Variants in DPYD observed in about 807,000 individuals in gnomAD.
DPYD encodes dihydropyrimidine dehydrogenase.
In DPYD, 109 loss-of-function variants were observed where a neutral mutation model predicts 116.2. The observed-to-expected ratio is 0.94, with a 90% CI of 0.80 to 1.10. The LOEUF is 1.10. Among genes scored for constraint, DPYD ranks in the 50% least tolerant of loss-of-function variants. DPYD has a pLI of 0.00. For missense variants in DPYD, 1,302 were observed against 1,254.5 expected, an observed-to-expected ratio of 1.04 and a Z score of -0.57; for synonymous variants, 440 against 432.0, an observed-to-expected ratio of 1.02 and a Z score of -0.23.
chr1:97,684,643 TA>T (rs1439081311), intron 7 of DPYD, among the ~76,000 whole-genome samples: 2 of 149,428 alleles, frequency 1.3e-5, no homozygotes, highest in African/African-American at 4.9e-5. Flanking sequence ...ATAGAAACAA[TA>T]AAAAATGATA....
At chr1:97,232,491 C>A (rs1176009764) in intron 19 of DPYD, among the ~76,000 whole-genome samples, 2 of 151,954 alleles carry the variant, frequency 1.3e-5, no homozygotes, top group African/African-American at 4.8e-5. Context: ...TCCATTCCTG[C>A]CTTTTTCACC....
chr1:97,718,536 G>A (rs138427271), intron 5 of DPYD, among the ~76,000 whole-genome samples: 1 of 151,766 alleles, frequency 6.6e-6, no homozygotes, highest in East Asian at 1.9e-4. Context: ...TCAGAATTGA[G>A]GTGGTAATTT....
At chr1:97,458,808 G>A (rs1272870135) in intron 13 of DPYD, among the ~76,000 whole-genome samples, 1 of 152,162 alleles carries the variant, frequency 6.6e-6, no homozygotes, top group Non-Finnish European at 1.5e-5. Context: ...TGGTTTAAAA[G>A]TGGTTCCTAG....
intron 13 of DPYD, among the ~76,000 whole-genome samples, chr1:97,498,990 A>G (rs1014302631): frequency 4.0e-5 from 6 of 151,622 alleles, no homozygotes; most frequent in Non-Finnish European, 7.4e-5. Context: ...TCTACTTGGT[A>G]TTTCTTTTAT....
At chr1:97,552,040 T>G (rs1193555043) in intron 11 of DPYD, among the ~76,000 whole-genome samples, 1 of 152,076 alleles carries the variant, frequency 6.6e-6, no homozygotes, top group Non-Finnish European at 1.5e-5. Context: ...AGATGGATTT[T>G]GGTATCCATG....
intron 14 of DPYD, among the ~76,000 whole-genome samples, chr1:97,386,276 G>A (rs898257103): frequency 5.9e-5 from 4 of 67,706 alleles, no homozygotes; most frequent in African/African-American, 1.7e-4. Flanking sequence ...AACTGGGAAA[G>A]TTAAAACTTT....
chr1:97,701,662 G>T (rs1661605152), intron 5 of DPYD, among the ~76,000 whole-genome samples: 1 of 151,760 alleles, frequency 6.6e-6, no homozygotes. Flanking sequence ...TGTAAATAAA[G>T]TCAAAACACA....
chr1:97,181,923 T>A (rs1002819910), intron 20 of DPYD, among the ~76,000 whole-genome samples: 1 of 152,164 alleles, frequency 6.6e-6, no homozygotes, highest in Non-Finnish European at 1.5e-5. Context: ...CATATATGAT[T>A]TCTAATCTTT....
Position 97,323,443 on chromosome 1 carries a change from CGTATATACATATCATATATACATATATGT to C in DPYD, c.2059-17175_2059-17147del, listed in dbSNP as rs1209162205. 3.4e-3 allele frequency among the ~76,000 whole-genome samples: 357 copies of C among 104,254 alleles called. 5 individuals are homozygous for C. The highest frequency in any genetic ancestry group is 9.7e-3 in the African/African-American group (333 of 34,442). 68.4% of individuals were successfully genotyped at this position (104,254 alleles called of 152,430 possible). A position where few individuals can be genotyped will look rare whatever the true frequency, so the allele number is the denominator to read the frequency against. Reference sequence around the variant, plus strand: ...ATATATACATATGTGTATATGTACACGTATATACATATCATATATACATATATGTGTATATATACACGTATATATACATA... The same window carrying C: ...ATATATACATATGTGTATATGTACACGTATATATACACGTATATATACATA... On this transcript the variant is annotated intron_variant, in intron 16 of 22. Coordinates refer to ENST00000370192, the MANE Select transcript of DPYD (RefSeq NM_000110.4).
At chr1:97,485,689 T>A (rs1156471234) in intron 13 of DPYD, among the ~76,000 whole-genome samples, 1 of 152,224 alleles carries the variant, frequency 6.6e-6, no homozygotes, top group Non-Finnish European at 1.5e-5. Context: ...TGGTCATTTT[T>A]CAGTTTCATT....
chr1:97,152,572 A>G (rs1655110783), intron 20 of DPYD, among the ~76,000 whole-genome samples: 1 of 150,870 alleles, frequency 6.6e-6, no homozygotes, highest in Admixed American at 6.6e-5. Flanking sequence ...GTAAAAATAC[A>G]CAGATACCCA....
chr1:97,467,399 A>G (rs541165314), intron 13 of DPYD, among the ~76,000 whole-genome samples: 2 of 152,226 alleles, frequency 1.3e-5, no homozygotes, highest in Non-Finnish European at 2.9e-5. Flanking sequence ...TATGAACTGT[A>G]AGCCCCCTGC....
At chr1:97,532,041 T>G (rs1649663339) in intron 12 of DPYD, among the ~76,000 whole-genome samples, 1 of 152,048 alleles carries the variant, frequency 6.6e-6, no homozygotes, top group Admixed American at 6.6e-5. Flanking sequence ...CAGGGTTTTG[T>G]ATGTATAAGA....
chr1:97,209,323 C>T (rs113006645), intron 19 of DPYD, among the ~76,000 whole-genome samples: 61 of 152,132 alleles, frequency 4.0e-4, no homozygotes, highest in African/African-American at 1.4e-3. Flanking sequence ...TAAACCATTG[C>T]TTATATTTTG....
Position 97,289,113 on chromosome 1 carries a change from T to C in DPYD, c.2299+16146A>G, listed in dbSNP as rs769772930. ...AGAAATGGATAAATTCCTTGACACA[T>C]ACACCCTCCCAAGACTAAACCAAGA... On this transcript the variant is annotated intron_variant, in intron 18 of 22. Transcript: ENST00000370192. 5.8e-4 allele frequency among the ~76,000 whole-genome samples: 88 copies of C among 152,220 alleles called. 1 individual carries two copies. The highest frequency in any genetic ancestry group is 1.2e-3 in the Non-Finnish European group (79 of 68,018).
chr1:97,556,258 A>G (rs967124139), intron 11 of DPYD, among the ~76,000 whole-genome samples: 6 of 151,878 alleles, frequency 4.0e-5, no homozygotes, highest in Non-Finnish European at 5.9e-5. Flanking sequence ...CTGTGACATC[A>G]TACTTTCTGC....
intron 18 of DPYD, among the ~76,000 whole-genome samples, chr1:97,254,474 A>C (rs1473190546): frequency 6.6e-6 from 1 of 152,134 alleles, no homozygotes; most frequent in South Asian, 2.1e-4. Context: ...CCATTTGTCC[A>C]TTAATGGAGT....
At chr1:97,501,305 G>A (rs1450294745) in intron 13 of DPYD, among the ~76,000 whole-genome samples, 1 of 151,986 alleles carries the variant, frequency 6.6e-6, no homozygotes, top group Non-Finnish European at 1.5e-5. Flanking sequence ...ATGTTTTAAT[G>A]TAAAACACTT....
intron 19 of DPYD, among the ~76,000 whole-genome samples, chr1:97,195,947 C>A (rs1393617117): frequency 6.6e-6 from 1 of 151,416 alleles, no homozygotes; most frequent in Non-Finnish European, 1.5e-5. Flanking sequence ...GAGAGATCTG[C>A]AATGGAGTAG....
Sources: allele counts gnomAD v4.1 joint callset (sites outside exome capture counted in the v4.1 genomes callset), GRCh38; gene constraint gnomAD v4.1.1; transcripts MANE v1.5; gene names NCBI Gene and HGNC (gene_info 2026-07-23, HGNC 2026-07-21).